The following LRG1 variants were observed in gnomAD, a reference collection of about 807,000 sequenced individuals.
LRG1 encodes leucine-rich alpha-2-glycoprotein.
A neutral mutation model predicts 2.4 loss-of-function variants in LRG1; 1 was observed. The ratio of observed to expected loss-of-function variants is 0.41; its 90% CI spans 0.15 to 1.95. The LOEUF (loss-of-function observed/expected upper bound fraction) is 1.95, where lower values mean the gene tolerates loss of function less well. Among genes scored for constraint, LRG1 ranks in the 30% most tolerant of loss-of-function variants. The probability of loss-of-function intolerance (pLI) is 0.30; values close to 1 mark genes in which losing one functional copy is unlikely to be tolerated. For missense variants in LRG1, 425 were observed against 436.9 expected, an observed-to-expected ratio of 0.97 and a Z score of 0.24; for synonymous variants, 226 against 210.6, an observed-to-expected ratio of 1.07 and a Z score of -0.63.
At position 4,538,061 on chromosome 19, in the gene LRG1, C is replaced by T; in HGVS notation, c.923G>A (p.Ser308Asn). Residue 308 changes from serine to asparagine, a missense_variant, in exon 2 of 2, where the codon AGC (serine) becomes AAC (asparagine). By Grantham distance (46) the Ser-to-Asn change is conservative. Transcript: ENST00000306390. ...GGCCTGAAGCCAACGATAGAGGTCG[C>T]TCAGGTTCTGGTCACAGATCCAGGG... is the stretch of plus-strand genomic sequence containing the variant. The part of the protein sequence containing the change: ...GNPWICDQNL[S>N]DLYRWLQAQK... The T allele has an allele frequency of 1.9e-6, 3 of 1,614,222 alleles. No homozygotes were observed. Among genetic ancestry groups the T allele is most frequent in the East Asian group, 2.2e-5 (1 of 44,886 alleles).
chr19:4,537,890 G>T lies in LRG1; in HGVS notation c.*50C>A. 1 of 1,552,320 alleles carries T rather than the reference G, an allele frequency of 6.4e-7. No homozygotes were observed. Among genetic ancestry groups the T allele is most frequent in the South Asian group, 1.2e-5 (1 of 83,214 alleles). The stretch of plus-strand genomic sequence containing the variant: ...CCAAAGGCAGGATTATTTGTTAAGC[G>T]GGTTGCAGTGTTCTACCAGACCCCC... On this transcript the variant is annotated 3_prime_UTR_variant, in exon 2 of 2. Coordinates refer to ENST00000306390, the MANE Select transcript of LRG1 (RefSeq NM_052972.3).
intron 1 of LRG1, 135 bp from the exon 2 acceptor site, chr19:4,539,086 A>G (rs554648007): frequency 9.9e-5 from 80 of 808,522 alleles, no homozygotes; most frequent in Non-Finnish European, 1.3e-4. Flanking sequence ...CTCATCTCTC[A>G]CCTGTACTAG....
chr19:4,539,956 C>A (rs749027566), intron 1 of LRG1, 26 bp downstream of exon 1: 7 of 1,614,118 alleles, frequency 4.3e-6, no homozygotes, highest in Non-Finnish European at 5.9e-6. Flanking sequence ...TCAAACCTGC[C>A]TAGGACAGGT....
rs1405891855 is a variant in LRG1 at position 4,537,884 on chromosome 19, T to C, written c.*56A>G. Reference sequence around the variant, plus strand: ...ACCCGGCCAAAGGCAGGATTATTTGTTAAGCGGGTTGCAGTGTTCTACCAG... The same window carrying C: ...ACCCGGCCAAAGGCAGGATTATTTGCTAAGCGGGTTGCAGTGTTCTACCAG... On this transcript the variant is annotated 3_prime_UTR_variant, in exon 2 of 2. Coordinates refer to ENST00000306390, the MANE Select transcript of LRG1 (RefSeq NM_052972.3). The C allele has an allele frequency of 2.6e-6, 4 of 1,539,856 alleles. No individual in the cohort carries two copies. The African/African-American group carries it at 5.5e-5, about 21-fold the overall frequency.
Position 4,538,636 on chromosome 19 carries a change from C to A in LRG1, c.348G>T (p.Pro116=), listed in dbSNP as rs919834043. The change falls in exon 2 of 2, where the codon CCG becomes CCT. Residue 116 remains proline, a synonymous_variant. Coordinates refer to ENST00000306390, the MANE Select transcript of LRG1 (RefSeq NM_052972.3). ...GGGTTAGATCCAGCACCCTCAGCTGCGGCACTGGCCGCAGGAATTCGGGCG... is the reference window on the plus strand; with the variant it reads ...GGGTTAGATCCAGCACCCTCAGCTGAGGCACTGGCCGCAGGAATTCGGGCG... ...SLSPEFLRPV[P]QLRVLDLTRN... 6.8e-6 allele frequency: 11 copies of A among 1,612,780 alleles called. No homozygotes were observed. Among genetic ancestry groups the A allele is most frequent in the Non-Finnish European group, 8.5e-6 (10 of 1,179,250 alleles).
rs1393843535 is a variant in LRG1 at position 4,538,647 on chromosome 19, G to T, written c.337C>A (p.Arg113=). The change falls in exon 2 of 2, where the codon CGG becomes AGG. Residue 113 remains arginine (R), a synonymous_variant. Transcript: ENST00000306390. The part of the protein sequence containing the change: ...GLESLSPEFL[R]PVPQLRVLDL... Reference sequence around the variant, plus strand: ...AGCACCCTCAGCTGCGGCACTGGCCGCAGGAATTCGGGCGAGAGGCTTTCC... The same window carrying T: ...AGCACCCTCAGCTGCGGCACTGGCCTCAGGAATTCGGGCGAGAGGCTTTCC... 9 of 1,612,962 alleles carry T rather than the reference G, an allele frequency of 5.6e-6. No individual in the cohort carries two copies. The highest frequency in any genetic ancestry group is 7.6e-6 in the Non-Finnish European group (9 of 1,179,286).
rs1976962860 is a variant in LRG1, at chr19:4,537,904, T to C, written c.*36A>G. 1 of 1,578,618 alleles carries C rather than the reference T, an allele frequency of 6.3e-7. No individual in the cohort carries two copies. Among genetic ancestry groups the C allele is most frequent in the Non-Finnish European group, 8.6e-7 (1 of 1,161,126 alleles). On this transcript the variant is annotated 3_prime_UTR_variant, in exon 2 of 2. Transcript: ENST00000306390. ...ATTTGTTAAGCGGGTTGCAGTGTTC[T>C]ACCAGACCCCCCACCCTCAACCCAA... is the stretch of plus-strand genomic sequence containing the variant.
chr19:4,538,291 G>T lies in LRG1; in HGVS notation c.693C>A (p.Leu231=), dbSNP rs150076344. 3.4e-4 allele frequency: 551 copies of T among 1,614,048 alleles called. 1 individual carries two copies. Among genetic ancestry groups the T allele is most frequent in the Non-Finnish European group, 4.2e-4 (491 of 1,180,052 alleles). ...GNKLQVLGKD[L]LLPQPDLRYL... is the part of the protein sequence containing the mutation. ...AGCGCAGGTCCGGCTGCGGCAAGAG[G>T]AGATCTTTTCCCAGTACTTGCAATT... The change falls in exon 2 of 2, where the codon CTC becomes CTA. Residue 231 remains leucine (L), a synonymous_variant. Coordinates refer to ENST00000306390, the MANE Select transcript of LRG1 (RefSeq NM_052972.3).
chr19:4,537,814 A>T lies in LRG1; in HGVS notation c.*126T>A. On this transcript the variant is annotated 3_prime_UTR_variant, in exon 2 of 2. Coordinates refer to ENST00000306390, the MANE Select transcript of LRG1 (RefSeq NM_052972.3). Reference sequence around the variant, plus strand: ...GATCTCCTGACCTCGTGATCCGCCCACCTGGGCCTCCCAAAGTGCTGGGAT... The same window carrying T: ...GATCTCCTGACCTCGTGATCCGCCCTCCTGGGCCTCCCAAAGTGCTGGGAT... The T allele has an allele frequency of 3.7e-6, 4 of 1,068,384 alleles. No homozygotes were observed. Among genetic ancestry groups the T allele is most frequent in the Non-Finnish European group, 3.9e-6 (3 of 761,008 alleles). The allele number at this position is 1,068,384 out of a possible 1,614,324, so 66.2% of individuals were successfully genotyped here. A position where few individuals can be genotyped will look rare whatever the true frequency, so the allele number is the denominator to read the frequency against.
rs1421437290 is a variant in LRG1 at position 4,538,556 on chromosome 19, T to C, written c.428A>G (p.Asp143Gly). ...PGLFQASATL[D>G]TLVLKENQLE... ...CTGGTTTTCTTTCAATACCAGGGTG[T>C]CCAGGGTGGCTGAGGCCTGGAAGAG... The change falls in exon 2 of 2, where the codon GAC becomes GGC. Residue 143 changes from aspartate (D) to glycine (G), a missense_variant. Transcript: ENST00000306390. 5.6e-6 allele frequency: 9 copies of C among 1,613,500 alleles called. No individual in the cohort carries two copies. The highest frequency in any genetic ancestry group is 7.6e-6 in the Non-Finnish European group (9 of 1,180,004).
In LRG1 at chr19:4,537,748, T is replaced by C. The variant is rs187918540; in HGVS notation, c.*192A>G. The C allele has an allele frequency of 1.8e-3, 1,073 of 606,540 alleles. 12 individuals are homozygous for C. The African/African-American group carries it at 0.019, about 10-fold the overall frequency. The allele number at this position is 606,540 out of a possible 1,614,324, so 37.6% of individuals were successfully genotyped here. A position where few individuals can be genotyped will look rare whatever the true frequency, so the allele number is the denominator to read the frequency against. Reference sequence around the variant, plus strand: ...ACGCCTGGCTAATTTTTTATATTTTTAGTAGAGACAGGGTTTCACCATGTT... The same window carrying C: ...ACGCCTGGCTAATTTTTTATATTTTCAGTAGAGACAGGGTTTCACCATGTT... On this transcript the variant is annotated 3_prime_UTR_variant, in exon 2 of 2. Coordinates refer to ENST00000306390, the MANE Select transcript of LRG1 (RefSeq NM_052972.3).
At position 4,538,557 on chromosome 19, in the gene LRG1, C is replaced by A; in HGVS notation, c.427G>T (p.Asp143Tyr). The A allele has an allele frequency of 6.2e-7, 1 of 1,613,584 alleles. No homozygotes were observed. Among genetic ancestry groups the A allele is most frequent in the Non-Finnish European group, 8.5e-7 (1 of 1,180,000 alleles). ...PGLFQASATL[D>Y]TLVLKENQLE... ...TGGTTTTCTTTCAATACCAGGGTGT[C>A]CAGGGTGGCTGAGGCCTGGAAGAGG... Residue 143 changes from aspartate to tyrosine, a missense_variant, in exon 2 of 2, where the codon GAC (aspartate) becomes TAC (tyrosine). Transcript: ENST00000306390.
At chr19:4,539,060 G>T in intron 1 of LRG1, 109 bp from the exon 2 acceptor site, 1 of 1,117,790 alleles carries the variant, frequency 8.9e-7, no homozygotes, top group Non-Finnish European at 1.2e-6. Context: ...GCGGCTACCA[G>T]CCTGGACTAT....
Position 4,538,583 on chromosome 19 carries a change from C to T in LRG1, c.401G>A (p.Gly134Asp). 2 of 1,613,142 alleles carry T rather than the reference C, an allele frequency of 1.2e-6. No homozygotes were observed. The highest frequency in any genetic ancestry group is 1.7e-6 in the Non-Finnish European group (2 of 1,179,690). ...CAGGGTGGCTGAGGCCTGGAAGAGG[C>T]CCGGGGGCAGCCCGGTCAGGGCGTT... is the stretch of plus-strand genomic sequence containing the variant. Reference protein sequence around the residue: ...TRNALTGLPPGLFQASATLDT... With the variant: ...TRNALTGLPPDLFQASATLDT... Residue 134 changes from glycine to aspartate, a missense_variant, in exon 2 of 2, where the codon GGC becomes GAC. Gly to Asp is a moderately conservative substitution (Grantham distance 94). Transcript: ENST00000306390.
chr19:4,538,216 G>T lies in LRG1; in HGVS notation c.768C>A (p.Phe256Leu), dbSNP rs1429782466. The T allele has an allele frequency of 1.9e-6, 3 of 1,613,930 alleles. No homozygotes were observed. The African/African-American group carries it at 4.0e-5, about 22-fold the overall frequency. ...NKLARVAAGAFQGLRQLDMLD... is the reference protein window; with the variant it reads ...NKLARVAAGALQGLRQLDMLD... ...GCATGTCCAGCTGCCGCAGGCCCTG[G>T]AAGGCACCGGCTGCCACCCTGGCCA... Residue 256 changes from phenylalanine to leucine, a missense_variant, in exon 2 of 2, where the codon TTC (phenylalanine) becomes TTA (leucine). Physicochemically the swap from Phe to Leu is conservative, Grantham distance 22. Transcript: ENST00000306390.
chr19:4,537,846 C>G lies in LRG1; in HGVS notation c.*94G>C. 2 of 1,404,974 alleles carry G rather than the reference C, an allele frequency of 1.4e-6. No individual in the cohort carries two copies. Among genetic ancestry groups the G allele is most frequent in the Non-Finnish European group, 1.9e-6 (2 of 1,052,300 alleles). The allele number at this position is 1,404,974 out of a possible 1,614,324, so 87.0% of individuals were successfully genotyped here. On this transcript the variant is annotated 3_prime_UTR_variant, in exon 2 of 2. Coordinates refer to ENST00000306390, the MANE Select transcript of LRG1 (RefSeq NM_052972.3). Reference sequence around the variant, plus strand: ...CCTCCCAAAGTGCTGGGATTACAGGCGTGAGCCCCCGCACCCGGCCAAAGG... The same window carrying G: ...CCTCCCAAAGTGCTGGGATTACAGGGGTGAGCCCCCGCACCCGGCCAAAGG...
chr19:4,539,855 G>A (rs545744746), intron 1 of LRG1, 127 bp downstream of exon 1: 2 of 1,083,110 alleles, frequency 1.8e-6, no homozygotes, highest in East Asian at 2.4e-5. Flanking sequence ...CACAGATAAG[G>A]TTGATCTGTG....
At chr19:4,539,196 G>A in intron 1 of LRG1, 1 of 353,474 alleles carries the variant, frequency 2.8e-6, no homozygotes, top group Non-Finnish European at 5.1e-6. Context: ...TAGGAAAGTT[G>A]AGTTTCTGAG....
chr19:4,539,790 C>T (rs1412285417), intron 1 of LRG1, among the ~76,000 whole-genome samples, 192 bp downstream of exon 1: 2 of 152,200 alleles, frequency 1.3e-5, no homozygotes, highest in Admixed American at 6.5e-5. Context: ...GCTGCCCATG[C>T]CCACCTGGGC....
Sources: allele counts gnomAD v4.1 joint callset (sites outside exome capture counted in the v4.1 genomes callset), GRCh38; gene constraint gnomAD v4.1.1; transcripts MANE v1.5; gene names NCBI Gene and HGNC (gene_info 2026-07-23, HGNC 2026-07-21).